The following PGM2 variants were observed in gnomAD, a reference collection of about 807,000 sequenced individuals.
PGM2 encodes the protein phosphoglucomutase 2, also known as phosphopentomutase.
Under a neutral mutation model 74.6 loss-of-function variants are expected in PGM2, and 57 were observed. The observed-to-expected ratio is 0.76, with a 90% CI of 0.62 to 0.95. The LOEUF (loss-of-function observed/expected upper bound fraction) is 0.95. Among genes scored for constraint, PGM2 ranks in the 40% least tolerant of loss-of-function variants. The pLI is 0.00. For missense variants in PGM2, 706 were observed against 741.9 expected, an observed-to-expected ratio of 0.95 and a Z score of 0.56; for synonymous variants, 273 against 260.7, an observed-to-expected ratio of 1.05 and a Z score of -0.46.
At chr4:37,829,715 A>G (rs1190000898) in intron 1 of PGM2, among the ~76,000 whole-genome samples, 1 of 152,176 alleles carries the variant, frequency 6.6e-6, no homozygotes, top group Non-Finnish European at 1.5e-5. Context: ...GGTTAGACTC[A>G]TATGCTAAAA....
Position 37,841,072 on chromosome 4 carries a change from G to GTA in PGM2, c.719+841_719+842dup, listed in dbSNP as rs36127170. ...AAAAATTTTCTGTGCATATGCAAGC[G>GTA]TATATATATATATATATATATATAT... On this transcript the variant is annotated intron_variant, in intron 6 of 13. Coordinates refer to ENST00000381967, the MANE Select transcript of PGM2 (RefSeq NM_018290.4). 3.4e-3 allele frequency among the ~76,000 whole-genome samples: 386 copies of GTA among 113,778 alleles called. 4 individuals are homozygous for GTA. Among genetic ancestry groups the GTA allele is most frequent in the Middle Eastern group, 9.3e-3 (2 of 214 alleles). 74.6% of individuals were successfully genotyped at this position (113,778 alleles called of 152,430 possible). A position where few individuals can be genotyped will look rare whatever the true frequency, so the allele number is the denominator to read the frequency against.
chr4:37,859,868 T>G (rs1482494483), intron 13 of PGM2, among the ~76,000 whole-genome samples: 1 of 152,206 alleles, frequency 6.6e-6, no homozygotes, highest in African/African-American at 2.4e-5. Context: ...AAACAGGAAT[T>G]CCTAACCCTG....
intron 13 of PGM2, among the ~76,000 whole-genome samples, chr4:37,859,733 A>G (rs1340843824): frequency 6.6e-6 from 1 of 152,178 alleles, no homozygotes; most frequent in Non-Finnish European, 1.5e-5. Context: ...CCAATTTATA[A>G]TCAAATCAAG....
intron 12 of PGM2, among the ~76,000 whole-genome samples, chr4:37,852,589 C>T (rs927824002): frequency 6.6e-6 from 1 of 152,220 alleles, no homozygotes; most frequent in Non-Finnish European, 1.5e-5. Context: ...TCTGTCCTCA[C>T]ACTTCACTGA....
chr4:37,851,973 T>TC (rs1178200348), intron 12 of PGM2, among the ~76,000 whole-genome samples: 1 of 146,626 alleles, frequency 6.8e-6, no homozygotes, highest in Admixed American at 6.8e-5. Flanking sequence ...TTGTTTTCTT[T>TC]TTTTTTGGAG....
intron 2 of PGM2, 127 bp downstream of exon 2, chr4:37,830,258 C>T: frequency 1.7e-6 from 1 of 592,408 alleles, no homozygotes; most frequent in Non-Finnish European, 2.8e-6. Flanking sequence ...AAGTCACCAC[C>T]ATTTACTCCA....
intron 13 of PGM2, among the ~76,000 whole-genome samples, chr4:37,859,371 A>G (rs1344410789): frequency 1.3e-5 from 2 of 152,200 alleles, no homozygotes; most frequent in East Asian, 3.8e-4. Flanking sequence ...TTTGCAAGGA[A>G]TCAACCTGTG....
At chr4:37,839,306 G>T (rs1725643927) in intron 4 of PGM2, among the ~76,000 whole-genome samples, 1 of 151,710 alleles carries the variant, frequency 6.6e-6, no homozygotes, top group Non-Finnish European at 1.5e-5. Context: ...GTAGAGACAG[G>T]GTTTCACCAT....
chr4:37,834,297 T>C (rs973757413), intron 2 of PGM2, among the ~76,000 whole-genome samples: 1 of 151,586 alleles, frequency 6.6e-6, no homozygotes, highest in African/African-American at 2.4e-5. Context: ...GATTGTGCCA[T>C]TGCAACTCCA....
chr4:37,850,398 C>G, intron 12 of PGM2, 25 bp downstream of exon 12: 1 of 1,272,992 alleles, frequency 7.9e-7, no homozygotes, highest in African/African-American at 1.5e-5. Flanking sequence ...CTCTTTTCAA[C>G]TAACCTCTTT....
Position 37,830,070 on chromosome 4 carries a change from G to A in PGM2, c.188G>A (p.Arg63Gln), listed in dbSNP as rs745468007. ...ARMEFGTAGL[R>Q]AAMGPGISRM... is the part of the protein sequence containing the mutation. Reference sequence around the variant, plus strand: ...ATGGAGTTTGGGACAGCTGGCCTCCGAGCTGCTATGGGACCTGGAATTTCT... The same window carrying A: ...ATGGAGTTTGGGACAGCTGGCCTCCAAGCTGCTATGGGACCTGGAATTTCT... Residue 63 changes from arginine to glutamine, a missense_variant, in exon 2 of 14, where the codon CGA (arginine) becomes CAA (glutamine). This residue lies in a region of PGM2 where 332 missense variants were observed against 334.9 expected (regional missense o/e 0.99). Coordinates refer to ENST00000381967, the MANE Select transcript of PGM2 (RefSeq NM_018290.4). 10 of 1,607,710 alleles carry A rather than the reference G, an allele frequency of 6.2e-6. No individual in the cohort carries two copies. Among genetic ancestry groups the A allele is most frequent in the African/African-American group, 2.7e-5 (2 of 74,886 alleles).
intron 6 of PGM2, among the ~76,000 whole-genome samples, chr4:37,842,629 C>G (rs1725761454): frequency 6.7e-6 from 1 of 149,670 alleles, no homozygotes; most frequent in Non-Finnish European, 1.5e-5. Context: ...TATTATATAT[C>G]AGATAACTGC....
At chr4:37,832,818 G>T (rs1451371128) in intron 2 of PGM2, among the ~76,000 whole-genome samples, 1 of 152,048 alleles carries the variant, frequency 6.6e-6, no homozygotes, top group Non-Finnish European at 1.5e-5. Context: ...ACTTTTTGAA[G>T]GTCATACACA....
At chr4:37,855,162 T>C (rs1185479447) in intron 12 of PGM2, among the ~76,000 whole-genome samples, 1 of 152,206 alleles carries the variant, frequency 6.6e-6, no homozygotes, top group Non-Finnish European at 1.5e-5. Flanking sequence ...CTTTAGGCCC[T>C]TTGACAAGCA....
intron 13 of PGM2, among the ~76,000 whole-genome samples, chr4:37,860,680 A>G (rs6840563): frequency 0.17 from 26,560 of 152,218 alleles, 2,736 homozygotes; most frequent in African/African-American, 0.29. Context: ...GAAGTAATGG[A>G]AAGTACAAAG....
At chr4:37,844,762 G>A (rs1294393099) in intron 7 of PGM2, among the ~76,000 whole-genome samples, 1 of 152,156 alleles carries the variant, frequency 6.6e-6, no homozygotes, top group Non-Finnish European at 1.5e-5. Context: ...GAGGTCAGGT[G>A]TTCGAGAACA....
intron 4 of PGM2, 119 bp from the exon 5 acceptor site, chr4:37,839,729 T>G (rs992672237): frequency 1.4e-6 from 1 of 703,082 alleles, no homozygotes; most frequent in Admixed American, 2.1e-5. Flanking sequence ...TTATGCTATT[T>G]ATATATTATG....
In PGM2 at chr4:37,846,881, C is replaced by T. The variant is rs528886092; in HGVS notation, c.1008-50C>T. 4.2e-5 allele frequency: 62 copies of T among 1,459,094 alleles called. 2 individuals are homozygous for T. The South Asian group carries it at 6.0e-4, about 14-fold the overall frequency. The allele number at this position is 1,459,094 out of a possible 1,614,324, so 90.4% of individuals were successfully genotyped here. On this transcript the variant is annotated intron_variant, in intron 8 of 13. Transcript: ENST00000381967. ...TATCCCCATGACACTTTAGAGTCTT[C>T]CTTAAGATTATGGAAATGAATGGTG...
chr4:37,834,206 C>T (rs1252671633), intron 2 of PGM2, among the ~76,000 whole-genome samples: 1 of 150,648 alleles, frequency 6.6e-6, no homozygotes, highest in Non-Finnish European at 1.5e-5. Flanking sequence ...TGGTAGCATG[C>T]ACCTGTGGTC....
Sources: gnomAD v4.1 joint callset for allele counts (sites outside exome capture counted in the v4.1 genomes callset) on GRCh38, gnomAD v4.1.1 for gene constraint, gnomAD v4.1.1 regional missense constraint, MANE v1.5 for transcripts, NCBI Gene and HGNC (gene_info 2026-07-23, HGNC 2026-07-21) for gene names.